Variants in RUFY3 observed in about 807,000 individuals in gnomAD.
RUFY3 encodes the protein protein RUFY3.
RUFY3 carries 34 observed loss-of-function variants against 84.0 expected under a neutral mutation model. The ratio of observed to expected loss-of-function variants is 0.40; its 90% CI spans 0.31 to 0.54. The LOEUF is 0.54. RUFY3 is among the 20% of genes least tolerant of loss of function. The pLI, the probability that RUFY3 is intolerant of heterozygous loss-of-function variation, is 0.39. For missense variants in RUFY3, 507 were observed against 736.8 expected, an observed-to-expected ratio of 0.69 and a Z score of 3.61; for synonymous variants, 242 against 252.9, an observed-to-expected ratio of 0.96 and a Z score of 0.41.
At chr4:70,737,636 AT>A (rs1720546132) in intron 1 of RUFY3, among the ~76,000 whole-genome samples, 1 of 149,748 alleles carries the variant, frequency 6.7e-6, no homozygotes, top group Admixed American at 6.6e-5. Context: ...TCACCTAAGA[AT>A]CTGTTTTATC....
chr4:70,803,096 A>G, intron 16 of RUFY3, 113 bp downstream of exon 16: 1 of 732,728 alleles, frequency 1.4e-6, no homozygotes, highest in Non-Finnish European at 2.3e-6. Flanking sequence ...ACAGTGTGCC[A>G]TCCTTCTAAC....
rs200374107 is a variant in RUFY3, at chr4:70,768,704, C to G, written c.696+43C>G. ...ATTCCCATGGGTGTCACTCTGAGTT[C>G]TGCTATCTCAGAAGTGGATTTGATT... On this transcript the variant is annotated intron_variant, in intron 5 of 17. Coordinates refer to ENST00000381006, the MANE Select transcript of RUFY3 (RefSeq NM_001037442.4). 145 of 1,594,754 alleles carry G rather than the reference C, an allele frequency of 9.1e-5. 1 individual carries two copies. The African/African-American group carries it at 1.7e-3, about 19-fold the overall frequency.
At chr4:70,806,489 TC>T in intron 17 of RUFY3, 26 bp from the exon 18 acceptor site, 1 of 1,612,744 alleles carries the variant, frequency 6.2e-7, no homozygotes, top group East Asian at 2.2e-5. Context: ...CATCTTCTAT[TC>T]CCCGCCTAAC....
Position 70,775,295 on chromosome 4 carries a change from G to A in RUFY3, c.824+62G>A. ...TTGTTGAAGGAGAAGGGAAGAGTAA[G>A]ATGATGCGCAGTGAGGATAAATTCA... On this transcript the variant is annotated intron_variant, in intron 7 of 17. Transcript: ENST00000381006. 7 of 1,130,750 alleles carry A rather than the reference G, an allele frequency of 6.2e-6. No homozygotes were observed. In the South Asian group the frequency reaches 9.6e-5, roughly 16 times the overall value. The allele number at this position is 1,130,750 out of a possible 1,614,324, so 70.0% of individuals were successfully genotyped here.
At chr4:70,787,266 T>G (rs937714232) in intron 10 of RUFY3, among the ~76,000 whole-genome samples, 13 of 144,776 alleles carry the variant, frequency 9.0e-5, no homozygotes, top group Non-Finnish European at 1.5e-4. Context: ...ATTTGTTTTT[T>G]TTTTTTTTTG....
At chr4:70,728,297 C>A (rs910188915) in intron 1 of RUFY3, among the ~76,000 whole-genome samples, 1 of 152,210 alleles carries the variant, frequency 6.6e-6, no homozygotes, top group South Asian at 2.1e-4. Flanking sequence ...TGTGGCTGAT[C>A]GTGTGGCTGA....
rs968797217 is a variant in RUFY3 at position 70,793,320 on chromosome 4, A to C, written c.1338-465A>C. 39 of 1,001,248 alleles carry C rather than the reference A, an allele frequency of 3.9e-5. No homozygotes were observed. The African/African-American group carries it at 6.8e-4, about 17-fold the overall frequency. The allele number at this position is 1,001,248 out of a possible 1,614,324, so 62.0% of individuals were successfully genotyped here. A position where few individuals can be genotyped will look rare whatever the true frequency, so the allele number is the denominator to read the frequency against. On this transcript the variant is annotated intron_variant, in intron 12 of 17. Transcript: ENST00000381006. ...GTGGTTTGGGGGAAAGGACAAGAAA[A>C]AACTATAATTCCACATATAAGAAGG...
At position 70,807,888 on chromosome 4, in the gene RUFY3, C is replaced by T. The variant is rs937411936; in HGVS notation, c.*1229C>T. Among the ~76,000 whole-genome samples the T allele has an allele frequency of 5.9e-5, 9 of 152,066 alleles. No homozygotes were observed. The highest frequency in any genetic ancestry group is 2.2e-4 in the African/African-American group (9 of 41,388). On this transcript the variant is annotated 3_prime_UTR_variant, in exon 18 of 18. Transcript: ENST00000381006. ...GGAATTCCTTATTCTGAGTGAGTCA[C>T]GAATGAGAGCTGATAGATGCTTTCT...
chr4:70,802,387 C>T (rs1732342524), intron 15 of RUFY3, among the ~76,000 whole-genome samples: 1 of 152,210 alleles, frequency 6.6e-6, no homozygotes, highest in Admixed American at 6.5e-5. Context: ...CTTCACCTCT[C>T]ATTTAGGCTC....
chr4:70,722,794 A>C, intron 1 of RUFY3, 43 bp downstream of exon 1: 83 of 1,575,696 alleles, frequency 5.3e-5, no homozygotes, highest in Non-Finnish European at 6.4e-5. Context: ...CAGCATCCTC[A>C]TTGTTATGGG....
intron 1 of RUFY3, among the ~76,000 whole-genome samples, chr4:70,725,679 A>G (rs561042060): frequency 6.6e-6 from 1 of 152,194 alleles, no homozygotes; most frequent in Non-Finnish European, 1.5e-5. Context: ...AACAAGTTTA[A>G]TTGCAAATAG....
At chr4:70,789,704 T>C in intron 12 of RUFY3, 112 bp downstream of exon 12, 2 of 1,394,956 alleles carry the variant, frequency 1.4e-6, no homozygotes, top group Non-Finnish European at 1.9e-6. Flanking sequence ...CAAATTAGCA[T>C]CAGACATTCT....
chr4:70,778,213 C>T (rs934410740), intron 7 of RUFY3, among the ~76,000 whole-genome samples, 156 bp from the exon 8 acceptor site: 7 of 151,710 alleles, frequency 4.6e-5, no homozygotes, highest in Admixed American at 1.3e-4. Flanking sequence ...CCAGTCTCAG[C>T]GACACAACGA....
chr4:70,711,890 T>TC (rs1049767957), intron 1 of RUFY3, among the ~76,000 whole-genome samples: 4 of 152,206 alleles, frequency 2.6e-5, no homozygotes. Context: ...CAGTTTGTCT[T>TC]CCCAGCCAAT....
chr4:70,797,871 C>A (rs1227580657), intron 14 of RUFY3, among the ~76,000 whole-genome samples: 1 of 151,688 alleles, frequency 6.6e-6, no homozygotes, highest in Non-Finnish European at 1.5e-5. Context: ...TAAAAAAAAA[C>A]ACTCTGTGTA....
chr4:70,741,900 C>T (rs114350309), intron 1 of RUFY3, among the ~76,000 whole-genome samples: 1,668 of 152,278 alleles, frequency 0.011, 26 homozygotes, highest in African/African-American at 0.038. Flanking sequence ...TTAAAAGGGA[C>T]ATTATTTCAA....
At chr4:70,758,400 A>G (rs1724400438) in intron 1 of RUFY3, among the ~76,000 whole-genome samples, 1 of 151,962 alleles carries the variant, frequency 6.6e-6, no homozygotes, top group Non-Finnish European at 1.5e-5. Flanking sequence ...GGAGGCCAAC[A>G]TGGGAGGATG....
intron 15 of RUFY3, among the ~76,000 whole-genome samples, chr4:70,802,216 G>A (rs553902351): frequency 6.6e-6 from 1 of 152,074 alleles, no homozygotes; most frequent in African/African-American, 2.4e-5. Context: ...AGCTGCAATC[G>A]TTAGACATAC....
chr4:70,755,602 C>A (rs1360619232), intron 1 of RUFY3, among the ~76,000 whole-genome samples: 1 of 152,076 alleles, frequency 6.6e-6, no homozygotes, highest in African/African-American at 2.4e-5. Flanking sequence ...TTAAAATACC[C>A]TTATATGGAA....
Sources: gnomAD v4.1 joint callset for allele counts (sites outside exome capture counted in the v4.1 genomes callset) on GRCh38, gnomAD v4.1.1 for gene constraint, MANE v1.5 for transcripts, NCBI Gene and HGNC (gene_info 2026-07-23, HGNC 2026-07-21) for gene names.